Variants in RIMS2 observed in about 807,000 individuals in gnomAD.
RIMS2 encodes the protein regulating synaptic membrane exocytosis protein 2.
RIMS2 carries 59 observed loss-of-function variants against 174.4 expected under a neutral mutation model. The ratio of observed to expected loss-of-function variants is 0.34; its 90% CI spans 0.27 to 0.42. The LOEUF (loss-of-function observed/expected upper bound fraction) is 0.42. Among genes scored for constraint, RIMS2 ranks in the 10% least tolerant of loss-of-function variants. The pLI, the probability that RIMS2 is intolerant of heterozygous loss-of-function variation, is 1.00. For missense variants in RIMS2, 1,620 were observed against 1,666.3 expected (o/e 0.97, Z 0.48); for synonymous variants, 606 against 572.5 (o/e 1.06, Z -0.84).
intron 19 of RIMS2, among the ~76,000 whole-genome samples, chr8:104,204,792 C>G (rs2099072016): frequency 6.6e-6 from 1 of 152,108 alleles, no homozygotes; most frequent in South Asian, 2.1e-4. Context: ...TTAACCAGCT[C>G]CAGATTACAA....
At chr8:103,598,885 C>G (rs2094576933) in intron 1 of RIMS2, among the ~76,000 whole-genome samples, 1 of 151,854 alleles carries the variant, frequency 6.6e-6, no homozygotes, top group Non-Finnish European at 1.5e-5. Context: ...AGGGGGATGA[C>G]CAAGATAGAT....
At chr8:103,655,821 G>C (rs2096524449) in intron 1 of RIMS2, among the ~76,000 whole-genome samples, 1 of 152,106 alleles carries the variant, frequency 6.6e-6, no homozygotes, top group Non-Finnish European at 1.5e-5. Flanking sequence ...GTAGGACTCA[G>C]ATAGGGCAGT....
At chr8:103,624,042 T>C (rs546155563) in intron 1 of RIMS2, among the ~76,000 whole-genome samples, 1 of 152,266 alleles carries the variant, frequency 6.6e-6, no homozygotes, top group South Asian at 2.1e-4. Flanking sequence ...ACCTCTCTAG[T>C]TTAAAAGGCT....
intron 1 of RIMS2, among the ~76,000 whole-genome samples, chr8:103,596,493 A>T (rs965288764): frequency 6.6e-6 from 1 of 152,080 alleles, no homozygotes; most frequent in Non-Finnish European, 1.5e-5. Flanking sequence ...CTCCTCATAA[A>T]TGTAAATATC....
At chr8:103,640,399 AT>A (rs1286241196) in intron 1 of RIMS2, among the ~76,000 whole-genome samples, 3 of 151,678 alleles carry the variant, frequency 2.0e-5, no homozygotes, top group African/African-American at 7.3e-5. Flanking sequence ...TTTAACTTTT[AT>A]TATTTATTTT....
chr8:103,786,054 G>C (rs10453069), intron 3 of RIMS2, among the ~76,000 whole-genome samples: 17,262 of 152,010 alleles, frequency 0.11, 1,322 homozygotes, highest in African/African-American at 0.22. Flanking sequence ...TAGTTTATTT[G>C]CGTAGAGTTG....
Position 103,599,382 on chromosome 8 carries a change from T to C in RIMS2, c.177-97704T>C, listed in dbSNP as rs1022347171. ...AGTATGTTTGACTCCAGAGTTTGTA[T>C]TGTTTTTATTATATATAATGTATAT... On this transcript the variant is annotated intron_variant, in intron 1 of 23. Coordinates refer to ENST00000504942, the Ensembl canonical transcript of RIMS2. 2.8e-4 allele frequency among the ~76,000 whole-genome samples: 41 copies of C among 148,764 alleles called. No homozygotes were observed. The East Asian group carries it at 3.1e-3, about 11-fold the overall frequency.
chr8:103,730,684 G>T (rs562743391), intron 2 of RIMS2, among the ~76,000 whole-genome samples: 2 of 152,196 alleles, frequency 1.3e-5, no homozygotes, highest in Non-Finnish European at 2.9e-5. Flanking sequence ...AATGAGTTTT[G>T]TACCTTCAGA....
intron 1 of RIMS2, among the ~76,000 whole-genome samples, chr8:103,564,718 T>C (rs1487050109): frequency 1.3e-5 from 2 of 152,196 alleles, no homozygotes; most frequent in African/African-American, 4.8e-5. Context: ...ATCCTAGCTG[T>C]GCTGGCAGCT....
chr8:103,537,453 C>G (rs1347277807), intron 1 of RIMS2, among the ~76,000 whole-genome samples: 2 of 152,184 alleles, frequency 1.3e-5, no homozygotes, highest in Non-Finnish European at 2.9e-5. Context: ...TTAGTAAGAT[C>G]TAATGTATTT....
intron 17 of RIMS2, among the ~76,000 whole-genome samples, chr8:103,998,446 T>A (rs761533837): frequency 6.6e-6 from 1 of 151,820 alleles, no homozygotes; most frequent in Non-Finnish European, 1.5e-5. Flanking sequence ...AAATACAGTG[T>A]CCCTTTTGTA....
intron 19 of RIMS2, among the ~76,000 whole-genome samples, chr8:104,146,760 G>T (rs2098643578): frequency 6.6e-6 from 1 of 152,130 alleles, no homozygotes; most frequent in African/African-American, 2.4e-5. Context: ...GAGTGCAGTG[G>T]CACCATCTCG....
intron 19 of RIMS2, among the ~76,000 whole-genome samples, chr8:104,138,485 A>G (rs2098540186): frequency 6.6e-6 from 1 of 152,146 alleles, no homozygotes; most frequent in Non-Finnish European, 1.5e-5. Flanking sequence ...GTGAAATGAT[A>G]TTTCATTGTA....
intron 1 of RIMS2, among the ~76,000 whole-genome samples, chr8:103,572,296 C>T (rs949938956): frequency 2.0e-5 from 3 of 152,194 alleles, no homozygotes; most frequent in African/African-American, 2.4e-5. Flanking sequence ...GAGCGGGTTG[C>T]TGCTGCTGGC....
chr8:103,933,411 G>T (rs892873196), intron 12 of RIMS2, among the ~76,000 whole-genome samples: 1 of 152,026 alleles, frequency 6.6e-6, no homozygotes, highest in Non-Finnish European at 1.5e-5. Context: ...GCTTTAACCT[G>T]CGAGGCATAA....
intron 1 of RIMS2, among the ~76,000 whole-genome samples, chr8:103,599,040 A>G (rs1160852587): frequency 6.6e-6 from 1 of 152,058 alleles, no homozygotes; most frequent in African/African-American, 2.4e-5. Context: ...AATTTTTGCC[A>G]AGAGCTAGGG....
At chr8:104,026,349 T>C (rs549746718) in intron 19 of RIMS2, among the ~76,000 whole-genome samples, 1 of 152,334 alleles carries the variant, frequency 6.6e-6, no homozygotes, top group South Asian at 2.1e-4. Context: ...TGATAAAGTC[T>C]AAAGTCTCAA....
At chr8:103,531,551 T>G (rs7008505) in intron 1 of RIMS2, among the ~76,000 whole-genome samples, 18,849 of 152,138 alleles carry the variant, frequency 0.12, 1,254 homozygotes, top group Middle Eastern at 0.22. Context: ...ACCTCACCCT[T>G]TACATTACAG....
At chr8:103,932,991 T>C (rs540733378) in intron 12 of RIMS2, among the ~76,000 whole-genome samples, 10 of 151,752 alleles carry the variant, frequency 6.6e-5, no homozygotes, top group Admixed American at 5.2e-4. Context: ...ACACTGTCTC[T>C]ACTAAAAATA....
Sources: allele counts gnomAD v4.1 joint callset (sites outside exome capture counted in the v4.1 genomes callset), GRCh38; gene constraint gnomAD v4.1.1; transcripts MANE v1.5; gene names NCBI Gene and HGNC (gene_info 2026-07-23, HGNC 2026-07-21).